The following ATG13 variants were observed in gnomAD, a reference collection of about 807,000 sequenced individuals.
The protein encoded by ATG13 is autophagy-related protein 13.
ATG13 carries 23 observed loss-of-function variants against 65.5 expected under a neutral mutation model. The ratio of observed to expected loss-of-function variants is 0.35; its 90% CI spans 0.25 to 0.50. ATG13 has a LOEUF of 0.50. ATG13 is among the 20% of genes least tolerant of loss of function. The probability of loss-of-function intolerance (pLI) is 0.98; values close to 1 mark genes in which losing one functional copy is unlikely to be tolerated. For synonymous variants in ATG13, 252 were observed against 245.2 expected (o/e 1.03, Z -0.26); for missense variants, 566 against 677.0 (o/e 0.84, Z 1.82).
chr11:46,644,814 A>G (rs2057108672), intron 3 of ATG13, among the ~76,000 whole-genome samples: 1 of 152,186 alleles, frequency 6.6e-6, no homozygotes, highest in South Asian at 2.1e-4. Context: ...ATATTTTCCT[A>G]AATCTAAAAA....
chr11:46,633,085 T>C (rs963033741), intron 2 of ATG13, among the ~76,000 whole-genome samples: 1 of 141,286 alleles, frequency 7.1e-6, no homozygotes, highest in Non-Finnish European at 1.5e-5. Flanking sequence ...AGTGCAGTGG[T>C]GGGATCTCGG....
At chr11:46,621,420 T>C (rs949528679) in intron 1 of ATG13, among the ~76,000 whole-genome samples, 5 of 152,198 alleles carry the variant, frequency 3.3e-5, no homozygotes, top group Non-Finnish European at 5.9e-5. Flanking sequence ...GAGTTATCGG[T>C]GTGTACTGGC....
intron 9 of ATG13, 112 bp downstream of exon 9, chr11:46,657,303 C>A: frequency 9.1e-7 from 1 of 1,094,236 alleles, no homozygotes; most frequent in Non-Finnish European, 1.3e-6. Context: ...GCAGTACCTT[C>A]AGAAGAATAA....
At chr11:46,635,046 C>T (rs1347806306) in intron 2 of ATG13, among the ~76,000 whole-genome samples, 1 of 149,602 alleles carries the variant, frequency 6.7e-6, no homozygotes, top group Non-Finnish European at 1.5e-5. Context: ...TTCTCTCTGT[C>T]TCCTAGTCTG....
At chr11:46,618,756 G>T (rs1185457049) in intron 1 of ATG13, among the ~76,000 whole-genome samples, 46 of 150,104 alleles carry the variant, frequency 3.1e-4, no homozygotes, top group Admixed American at 1.1e-3. Flanking sequence ...TTTTTTTTTT[G>T]TTGTTTTCAA....
At chr11:46,662,133 A>G (rs966589103) in intron 11 of ATG13, among the ~76,000 whole-genome samples, 3 of 152,036 alleles carry the variant, frequency 2.0e-5, no homozygotes, top group Non-Finnish European at 4.4e-5. Context: ...ACAAAGACCT[A>G]CTTTCTTCCT....
chr11:46,664,700 C>A, intron 12 of ATG13, 149 bp from the exon 13 acceptor site: 1 of 658,696 alleles, frequency 1.5e-6, no homozygotes, highest in Non-Finnish European at 2.7e-6. Flanking sequence ...CTGTCCCTAA[C>A]CCCTATCACG....
chr11:46,646,998 G>GATCT (rs1238176658), intron 5 of ATG13, among the ~76,000 whole-genome samples: 3 of 152,060 alleles, frequency 2.0e-5, no homozygotes, highest in African/African-American at 4.8e-5. Context: ...GAGCTCAAGC[G>GATCT]ATCTGCCTGC....
intron 10 of ATG13, 23 bp downstream of exon 10, chr11:46,657,645 C>T (rs759136279): frequency 1.3e-6 from 2 of 1,551,314 alleles, no homozygotes; most frequent in Non-Finnish European, 1.8e-6. Flanking sequence ...AAAAGGTGCT[C>T]TCCCAAACTG....
In ATG13 at chr11:46,645,473, G is replaced by A; in HGVS notation, c.150+54G>A. On this transcript the variant is annotated intron_variant, in intron 4 of 18. Coordinates refer to ENST00000683050, the MANE Select transcript of ATG13 (RefSeq NM_001346311.2). The stretch of plus-strand genomic sequence containing the variant: ...TACTGTAGTGTTTGTCACAAGGAAT[G>A]TGTAAAGTTCTCAAGTGCAATAATA... The A allele has an allele frequency of 1.3e-6, 2 of 1,489,312 alleles. No individual in the cohort carries two copies. The highest frequency in any genetic ancestry group is 2.3e-5 in the East Asian group (1 of 44,026). The allele number at this position is 1,489,312 out of a possible 1,614,324, so 92.3% of individuals were successfully genotyped here.
chr11:46,666,304 A>G (rs2062347655), intron 14 of ATG13, among the ~76,000 whole-genome samples: 1 of 152,134 alleles, frequency 6.6e-6, no homozygotes, highest in Admixed American at 6.5e-5. Context: ...CCCAAGATTT[A>G]TATCCTTGGA....
intron 8 of ATG13, 45 bp from the exon 9 acceptor site, chr11:46,657,050 C>A: frequency 1.4e-6 from 2 of 1,480,622 alleles, no homozygotes; most frequent in South Asian, 1.1e-5. Context: ...GGGGCAGTGT[C>A]AGTATTCTCT....
intron 11 of ATG13, among the ~76,000 whole-genome samples, chr11:46,662,865 G>C (rs548370898): frequency 6.6e-6 from 1 of 152,188 alleles, no homozygotes; most frequent in Non-Finnish European, 1.5e-5. Context: ...ACAGTATAAG[G>C]ATCGTTGTGC....
chr11:46,634,860 C>T (rs1565456932), intron 2 of ATG13, among the ~76,000 whole-genome samples: 1 of 152,022 alleles, frequency 6.6e-6, no homozygotes, highest in Non-Finnish European at 1.5e-5. Context: ...TGCCAGCACA[C>T]CCAGCTAATT....
At chr11:46,660,546 C>G (rs2060956502) in intron 11 of ATG13, among the ~76,000 whole-genome samples, 1 of 151,544 alleles carries the variant, frequency 6.6e-6, no homozygotes, top group African/African-American at 2.4e-5. Context: ...GTAGCTGGGA[C>G]TATAGGTGCC....
At chr11:46,668,625 T>C in intron 16 of ATG13, 49 bp downstream of exon 16, 1 of 1,582,910 alleles carries the variant, frequency 6.3e-7, no homozygotes, top group Non-Finnish European at 8.7e-7. Flanking sequence ...GCGCTAGTCA[T>C]TGTTCTTCCT....
chr11:46,668,896 G>A lies in ATG13; in HGVS notation c.1432G>A (p.Val478Ile). The A allele has an allele frequency of 6.2e-7, 1 of 1,613,402 alleles. No homozygotes were observed. Among genetic ancestry groups the A allele is most frequent in the Non-Finnish European group, 8.5e-7 (1 of 1,179,614 alleles). ...GSSGNTHDDF[V>I]MIDFKPAFSK... Reference sequence around the variant, plus strand: ...CAGTGGCAATACCCATGATGACTTTGTTATGATAGACTTTGTAAGTCGCCG... The same window carrying A: ...CAGTGGCAATACCCATGATGACTTTATTATGATAGACTTTGTAAGTCGCCG... The change falls in exon 17 of 19, where the codon GTT becomes ATT. Residue 478 changes from valine (V) to isoleucine (I), a missense_variant. Transcript: ENST00000683050.
At chr11:46,639,216 G>C (rs1352322914) in intron 2 of ATG13, among the ~76,000 whole-genome samples, 1 of 152,156 alleles carries the variant, frequency 6.6e-6, no homozygotes, top group Non-Finnish European at 1.5e-5. Context: ...TCGAACTCCT[G>C]ACCTCATGAT....
At chr11:46,635,565 G>T (rs183398612) in intron 2 of ATG13, among the ~76,000 whole-genome samples, 57 of 152,268 alleles carry the variant, frequency 3.7e-4, no homozygotes, top group African/African-American at 1.2e-3. Context: ...TTGTTCAATT[G>T]CAGGTTTCTT....
Sources: allele counts gnomAD v4.1 joint callset (sites outside exome capture counted in the v4.1 genomes callset), GRCh38; gene constraint gnomAD v4.1.1; transcripts MANE v1.5; gene names NCBI Gene and HGNC (gene_info 2026-07-23, HGNC 2026-07-21).